Variants in SHQ1 observed in about 807,000 individuals in gnomAD.
The protein encoded by SHQ1 is SHQ1, H/ACA ribonucleoprotein assembly factor.
Under a neutral mutation model 53.8 loss-of-function variants are expected in SHQ1, and 49 were observed. The ratio of observed to expected loss-of-function variants is 0.91; its 90% CI spans 0.72 to 1.16. The LOEUF (loss-of-function observed/expected upper bound fraction) is 1.16. SHQ1 is among the 50% of genes most tolerant of loss of function. The probability of loss-of-function intolerance (pLI) is 0.00; values close to 1 mark genes in which losing one functional copy is unlikely to be tolerated. For missense variants in SHQ1, 738 were observed against 683.1 expected (o/e 1.08, Z -0.90); for synonymous variants, 243 against 251.0 (o/e 0.97, Z 0.30).
intron 10 of SHQ1, among the ~76,000 whole-genome samples, chr3:72,767,583 C>A (rs1247783549): frequency 6.6e-6 from 1 of 152,210 alleles, no homozygotes; most frequent in Non-Finnish European, 1.5e-5. Flanking sequence ...AATTAGGACT[C>A]AACTAATTTG....
downstream of SHQ1, among the ~76,000 whole-genome samples, chr3:72,744,967 A>G (rs1705233066): frequency 6.6e-6 from 1 of 151,218 alleles, no homozygotes; most frequent in South Asian, 2.1e-4. Flanking sequence ...TTTTATAATT[A>G]ATACACTCTT....
chr3:72,751,535 T>TATATATATATATATATATATATATACAC (rs1444853961), intron 10 of SHQ1, among the ~76,000 whole-genome samples: 2 of 139,970 alleles, frequency 1.4e-5, no homozygotes, highest in East Asian at 2.0e-4. Flanking sequence ...TATATACATA[T>TATATATATATATATATATATATATACAC]ACATACACTA....
chr3:72,773,229 G>T, intron 10 of SHQ1: 1 of 701,580 alleles, frequency 1.4e-6, no homozygotes, highest in South Asian at 1.4e-5. Context: ...CATCTTCAAC[G>T]AGAGAAAGAG....
chr3:72,814,947 TATATAAAAAATC>T (rs1707262631), intron 8 of SHQ1, among the ~76,000 whole-genome samples: 1 of 152,134 alleles, frequency 6.6e-6, no homozygotes, highest in Non-Finnish European at 1.5e-5. Flanking sequence ...TATACACATA[TATATAAAAAATC>T]ATATAAAAAA....
chr3:72,807,269 T>C (rs1027544001), intron 9 of SHQ1, among the ~76,000 whole-genome samples: 1 of 152,224 alleles, frequency 6.6e-6, no homozygotes. Context: ...AGCTACTTAT[T>C]ACAAATGCAA....
At chr3:72,803,261 C>G (rs934645936) in intron 9 of SHQ1, among the ~76,000 whole-genome samples, 2 of 152,170 alleles carry the variant, frequency 1.3e-5, no homozygotes, top group Admixed American at 1.3e-4. Context: ...CTTTCTACTT[C>G]TTTTTAAAAC....
At chr3:72,821,080 T>C (rs1275213942) in intron 6 of SHQ1, among the ~76,000 whole-genome samples, 1 of 152,186 alleles carries the variant, frequency 6.6e-6, no homozygotes, top group Non-Finnish European at 1.5e-5. Flanking sequence ...CATCTGTCTA[T>C]TACATTGTAC....
chr3:72,750,542 T>A lies in SHQ1; in HGVS notation c.1476A>T (p.Gln492His). 6.2e-7 allele frequency: 1 copy of A among 1,614,228 alleles called. No individual in the cohort carries two copies. Among genetic ancestry groups the A allele is most frequent in the Non-Finnish European group, 8.5e-7 (1 of 1,180,030 alleles). ...DSPSETVSSL[Q>H]GPFLEESSAF... is the part of the protein sequence containing the mutation. ...CACTGCTTTCTTCAAGAAAGGGACC[T>A]TGCAAAGAACTGACTGTCTCAGATG... The change falls in exon 11 of 11, where the codon CAA (glutamine) becomes CAT (histidine). Residue 492 changes from glutamine to histidine, a missense_variant. Coordinates refer to ENST00000325599, the MANE Select transcript of SHQ1 (RefSeq NM_018130.3).
Position 72,824,460 on chromosome 3 carries a change from C to T in SHQ1, c.691G>A (p.Glu231Lys), listed in dbSNP as rs368699997. The stretch of plus-strand genomic sequence containing the variant: ...TGATTTTCTTGTTCCTGACTCTTTT[C>T]CAAAAAGGCCATCATTTTTGAATAT... ...DKYSKMMAFLEKSQEQENHAT... is the reference protein window; with the variant it reads ...DKYSKMMAFLKKSQEQENHAT... Residue 231 changes from glutamate (E) to lysine (K), a missense_variant, in exon 6 of 11, where the codon GAA becomes AAA. Glu to Lys is a moderately conservative substitution (Grantham distance 56). Transcript: ENST00000325599. 2.5e-6 allele frequency: 4 copies of T among 1,612,332 alleles called. No individual in the cohort carries two copies. Among genetic ancestry groups the T allele is most frequent in the Non-Finnish European group, 3.4e-6 (4 of 1,179,616 alleles).
downstream of SHQ1, among the ~76,000 whole-genome samples, chr3:72,747,715 C>T (rs796673983): frequency 4.6e-5 from 7 of 152,232 alleles, no homozygotes; most frequent in Non-Finnish European, 7.4e-5. Flanking sequence ...GGGCTGGGTG[C>T]GGTGGCTCAT....
intron 5 of SHQ1, among the ~76,000 whole-genome samples, chr3:72,832,043 C>G (rs1337815610): frequency 6.6e-6 from 1 of 152,140 alleles, no homozygotes; most frequent in Non-Finnish European, 1.5e-5. Context: ...TACCATTAAT[C>G]ACAACCAAAA....
chr3:72,809,045 C>G (rs900817651), intron 9 of SHQ1, among the ~76,000 whole-genome samples: 4 of 151,410 alleles, frequency 2.6e-5, no homozygotes, highest in Non-Finnish European at 5.9e-5. Context: ...TTAAGAGGCC[C>G]TAAGAGAGTA....
intron 10 of SHQ1, among the ~76,000 whole-genome samples, chr3:72,789,133 T>C (rs1706354617): frequency 1.3e-5 from 2 of 148,948 alleles, no homozygotes; most frequent in African/African-American, 4.9e-5. Context: ...AAAAAATGCA[T>C]TGGGAAACAA....
At chr3:72,751,529 T>TATATATATATACACACAC (rs1491584090) in intron 10 of SHQ1, among the ~76,000 whole-genome samples, 2 of 137,994 alleles carry the variant, frequency 1.4e-5, no homozygotes, top group African/African-American at 5.9e-5. Flanking sequence ...TATATATATA[T>TATATATATATACACACAC]ACATATACAT....
intron 10 of SHQ1, among the ~76,000 whole-genome samples, chr3:72,786,776 C>T (rs1451981296): frequency 1.3e-5 from 2 of 152,152 alleles, no homozygotes; most frequent in Non-Finnish European, 2.9e-5. Context: ...ATCTCACCAC[C>T]TGGCACATAA....
chr3:72,752,943 G>A (rs1224321338), intron 10 of SHQ1: 6 of 980,434 alleles, frequency 6.1e-6, no homozygotes, highest in South Asian at 4.7e-5. Context: ...GATTACAGGC[G>A]TGAGCCACCA....
At chr3:72,776,615 C>T (rs1382934033) in intron 10 of SHQ1, among the ~76,000 whole-genome samples, 2 of 151,308 alleles carry the variant, frequency 1.3e-5, no homozygotes, top group East Asian at 1.9e-4. Context: ...AGCAATAAAT[C>T]GAACAAAAAA....
intron 10 of SHQ1, among the ~76,000 whole-genome samples, chr3:72,760,535 G>A (rs978847138): frequency 2.0e-5 from 3 of 152,118 alleles, no homozygotes; most frequent in African/African-American, 7.2e-5. Flanking sequence ...GACATGACTG[G>A]GTACTTTGAT....
At chr3:72,731,846 C>A in the SHQ1 span, among the ~76,000 whole-genome samples, 1 of 151,436 alleles carries the variant, frequency 6.6e-6, no homozygotes, top group African/African-American at 2.4e-5. Context: ...CATCATCCTC[C>A]CAGAGCATCC....
Sources: allele counts gnomAD v4.1 joint callset (sites outside exome capture counted in the v4.1 genomes callset), GRCh38; gene constraint gnomAD v4.1.1; transcripts MANE v1.5; gene names NCBI Gene and HGNC (gene_info 2026-07-23, HGNC 2026-07-21).